PEAK1: variants seen among roughly 807,000 people sequenced by gnomAD.
The protein encoded by PEAK1 is inactive tyrosine-protein kinase PEAK1.
Under a neutral mutation model 124.7 loss-of-function variants are expected in PEAK1, and 54 were observed. The ratio of observed to expected loss-of-function variants is 0.43; its 90% CI spans 0.35 to 0.54. The LOEUF (loss-of-function observed/expected upper bound fraction) is 0.54, where lower values mean the gene tolerates loss of function less well. PEAK1 is among the 20% of genes least tolerant of loss of function. The probability of loss-of-function intolerance (pLI) is 0.01; values close to 1 mark genes in which losing one functional copy is unlikely to be tolerated. For missense variants in PEAK1, 2,046 were observed against 2,134.5 expected, an observed-to-expected ratio of 0.96 and a Z score of 0.82; for synonymous variants, 719 against 760.0, an observed-to-expected ratio of 0.95 and a Z score of 0.89.
chr15:77,301,929 T>G (rs1255537386), intron 2 of PEAK1, among the ~76,000 whole-genome samples: 1 of 152,226 alleles, frequency 6.6e-6, no homozygotes, highest in Non-Finnish European at 1.5e-5. Context: ...ACTTTATACA[T>G]TGGATTATGA....
chr15:77,350,213 A>C, intron 2 of PEAK1: 1 of 985,462 alleles, frequency 1.0e-6, no homozygotes, highest in Non-Finnish European at 1.2e-6. Flanking sequence ...GTAGGTGAGA[A>C]CACAAAAGAA....
rs771115575 is a variant in PEAK1 at position 77,179,245 on chromosome 15, G to T, written c.2682C>A (p.Thr894=). The change falls in exon 7 of 10, where the codon ACC becomes ACA. Residue 894 remains threonine (T), a synonymous_variant. Transcript: ENST00000682557. ...TTGACCTGGTAGGGCTGGTTGGCTT[G>T]GTCCAGTTGGTGAAATGCCTCTGCA... is the stretch of plus-strand genomic sequence containing the variant. ...NLLQRHFTNW[T]KPTSPTRSTE... 22 of 1,614,024 alleles carry T rather than the reference G, an allele frequency of 1.4e-5. No homozygotes were observed. The highest frequency in any genetic ancestry group is 1.8e-5 in the Non-Finnish European group (21 of 1,180,032).
intron 2 of PEAK1, chr15:77,336,608 C>T (rs1246777662): frequency 2.2e-6 from 2 of 911,770 alleles, no homozygotes; most frequent in Non-Finnish European, 2.6e-6. Context: ...ACAGAGCAAT[C>T]TGGCAATACC....
chr15:77,376,752 C>T (rs2069059449), intron 1 of PEAK1, among the ~76,000 whole-genome samples: 1 of 152,124 alleles, frequency 6.6e-6, no homozygotes, highest in African/African-American at 2.4e-5. Context: ...ATTTTAAAAA[C>T]ACAAGCATCC....
rs571195004 is a variant in PEAK1, at chr15:77,293,134, T to C, written c.-602-6630A>G. Among the ~76,000 whole-genome samples the C allele has an allele frequency of 7.5e-4, 114 of 152,314 alleles. No homozygotes were observed. In the South Asian group the frequency reaches 0.022, roughly 30 times the overall value. On this transcript the variant is annotated intron_variant, in intron 2 of 9. Coordinates refer to ENST00000682557, the MANE Select transcript of PEAK1 (RefSeq NM_001385026.1). The stretch of plus-strand genomic sequence containing the variant: ...TCATGTTGATTCTTCCCCTGAATTA[T>C]CTCTTAAACTTATCTCCCCCTGCCT...
intron 9 of PEAK1, among the ~76,000 whole-genome samples, chr15:77,130,180 G>A (rs2052739690): frequency 6.6e-6 from 1 of 152,108 alleles, no homozygotes; most frequent in East Asian, 1.9e-4. Context: ...AGTTAGTCAA[G>A]TCCTACTTCT....
chr15:77,254,947 A>G (rs1247501492), intron 5 of PEAK1, among the ~76,000 whole-genome samples: 1 of 152,154 alleles, frequency 6.6e-6, no homozygotes, highest in Non-Finnish European at 1.5e-5. Context: ...AATAAAATTG[A>G]CTGTTACAAA....
At chr15:77,403,420 G>T in intron 1 of PEAK1, 2 of 917,942 alleles carry the variant, frequency 2.2e-6, no homozygotes, top group Non-Finnish European at 2.6e-6. Flanking sequence ...ACCATGATAG[G>T]CAATCTTACA....
chr15:77,128,764 A>C (rs1419038464), intron 9 of PEAK1, among the ~76,000 whole-genome samples: 1 of 152,212 alleles, frequency 6.6e-6, no homozygotes, highest in African/African-American at 2.4e-5. Context: ...CAGGTTCACA[A>C]CTGGAGAGCC....
intron 1 of PEAK1, among the ~76,000 whole-genome samples, chr15:77,392,923 C>T (rs1051568531): frequency 6.6e-6 from 1 of 152,208 alleles, no homozygotes; most frequent in African/African-American, 2.4e-5. Flanking sequence ...CTCCCTCCCC[C>T]ATCCTGTGTG....
intron 1 of PEAK1, chr15:77,404,929 T>C: frequency 4.7e-6 from 1 of 212,112 alleles, no homozygotes; most frequent in Non-Finnish European, 8.1e-6. Flanking sequence ...CCTTTCACAG[T>C]GTGACCACTT....
At chr15:77,245,703 CAAAAAAAAAAGTA>C (rs2060552178) in intron 6 of PEAK1, among the ~76,000 whole-genome samples, 1 of 145,566 alleles carries the variant, frequency 6.9e-6, no homozygotes, top group Admixed American at 6.9e-5. Flanking sequence ...GACTCCGTCT[CAAAAAAAAAAGTA>C]AAAAGAAAAA....
intron 6 of PEAK1, among the ~76,000 whole-genome samples, chr15:77,232,242 T>G (rs2059937759): frequency 6.6e-6 from 1 of 152,090 alleles, no homozygotes. Flanking sequence ...TTCCCTGTCT[T>G]TACTAGTAAA....
intron 2 of PEAK1, among the ~76,000 whole-genome samples, chr15:77,356,820 C>T (rs1193308964): frequency 1.3e-5 from 2 of 152,154 alleles, no homozygotes; most frequent in Non-Finnish European, 2.9e-5. Flanking sequence ...ATTTATTCAA[C>T]ATGACTTTTA....
At chr15:77,316,681 A>G (rs1181787785) in intron 2 of PEAK1, among the ~76,000 whole-genome samples, 2 of 152,250 alleles carry the variant, frequency 1.3e-5, no homozygotes, top group Non-Finnish European at 2.9e-5. Context: ...AATGAATAAT[A>G]GCTGACGAAA....
At chr15:77,127,749 C>T (rs1197153478) in intron 9 of PEAK1, among the ~76,000 whole-genome samples, 2 of 152,112 alleles carry the variant, frequency 1.3e-5, no homozygotes, top group Non-Finnish European at 2.9e-5. Flanking sequence ...GAAACCAGAA[C>T]GTGAAGACTT....
In PEAK1 at chr15:77,183,091, C is replaced by T. The variant is rs1461983321; in HGVS notation, c.-114-1051G>A. Among the ~76,000 whole-genome samples the T allele has an allele frequency of 5.9e-5, 9 of 152,012 alleles. No individual in the cohort carries two copies. The East Asian group carries it at 1.5e-3, about 26-fold the overall frequency. On this transcript the variant is annotated intron_variant, in intron 6 of 9. Transcript: ENST00000682557. ...TGTAGCTTATTCCTGTTTTTGTATCCCAAGGTTAAGGATGCTTTTTATGTT... is the reference window on the plus strand; with the variant it reads ...TGTAGCTTATTCCTGTTTTTGTATCTCAAGGTTAAGGATGCTTTTTATGTT...
At chr15:77,261,164 G>C (rs1017694590) in intron 5 of PEAK1, among the ~76,000 whole-genome samples, 17 of 152,120 alleles carry the variant, frequency 1.1e-4, no homozygotes, top group African/African-American at 4.1e-4. Flanking sequence ...AAACCACAAA[G>C]ATGGGGAAAA....
Position 77,179,232 on chromosome 15 carries a change from G to T in PEAK1, c.2695C>A (p.Pro899Thr), listed in dbSNP as rs1388471963. Reference protein sequence around the residue: ...HFTNWTKPTSPTRSTEAESVL... With the variant: ...HFTNWTKPTSTTRSTEAESVL... Reference sequence around the variant, plus strand: ...GATTCAGCTTCTGTTGACCTGGTAGGGCTGGTTGGCTTGGTCCAGTTGGTG... The same window carrying T: ...GATTCAGCTTCTGTTGACCTGGTAGTGCTGGTTGGCTTGGTCCAGTTGGTG... The change falls in exon 7 of 10, where the codon CCT becomes ACT. Residue 899 changes from proline to threonine, a missense_variant. By Grantham distance (38) the Pro-to-Thr change is conservative (BLOSUM62 -1). Coordinates refer to ENST00000682557, the MANE Select transcript of PEAK1 (RefSeq NM_001385026.1). 1 of 1,614,028 alleles carries T rather than the reference G, an allele frequency of 6.2e-7. No homozygotes were observed. Among genetic ancestry groups the T allele is most frequent in the Non-Finnish European group, 8.5e-7 (1 of 1,180,038 alleles).
Sources: allele counts gnomAD v4.1 joint callset (sites outside exome capture counted in the v4.1 genomes callset), GRCh38; gene constraint gnomAD v4.1.1; transcripts MANE v1.5; gene names NCBI Gene and HGNC (gene_info 2026-07-23, HGNC 2026-07-21).